CFAP20DC: variants seen among roughly 807,000 people sequenced by gnomAD.
CFAP20DC encodes CFAP20 domain containing, also known as protein CFAP20DC.
In CFAP20DC, 84 loss-of-function variants were observed where a neutral mutation model predicts 101.7. The observed-to-expected ratio is 0.83, with a 90% CI of 0.69 to 0.99. The LOEUF (loss-of-function observed/expected upper bound fraction) is 0.99. Among genes scored for constraint, CFAP20DC ranks in the 50% least tolerant of loss-of-function variants. The pLI, the probability that CFAP20DC is intolerant of heterozygous loss-of-function variation, is 0.00. For synonymous variants in CFAP20DC, 359 were observed against 351.2 expected (o/e 1.02, Z -0.25); for missense variants, 1,007 against 970.3 (o/e 1.04, Z -0.50).
At chr3:58,905,683 A>G (rs2083516754) in intron 6 of CFAP20DC, among the ~76,000 whole-genome samples, 1 of 152,222 alleles carries the variant, frequency 6.6e-6, no homozygotes. Flanking sequence ...ACAATAAAGT[A>G]CTGAGCTCAA....
At chr3:58,890,558 T>TG (rs2082115365) in intron 6 of CFAP20DC, among the ~76,000 whole-genome samples, 1 of 98,808 alleles carries the variant, frequency 1.0e-5, no homozygotes, top group Admixed American at 9.6e-5. Context: ...GCTAGCCGGG[T>TG]GGGGGGCTGA....
chr3:58,994,570 T>C (rs1272376382), intron 4 of CFAP20DC, among the ~76,000 whole-genome samples: 3 of 152,142 alleles, frequency 2.0e-5, no homozygotes, highest in Non-Finnish European at 4.4e-5. Context: ...CAAATAACAA[T>C]AATGCCTTCC....
At chr3:58,870,406 G>T in intron 7 of CFAP20DC, 97 bp from the exon 8 acceptor site, 7 of 1,216,116 alleles carry the variant, frequency 5.8e-6, no homozygotes, top group Non-Finnish European at 8.3e-6. Context: ...GGTGCCATAG[G>T]ATCCAAATCC....
chr3:58,957,044 A>G (rs6769499), intron 4 of CFAP20DC, among the ~76,000 whole-genome samples: 76 of 152,310 alleles, frequency 5.0e-4, no homozygotes, highest in African/African-American at 1.7e-3. Context: ...ATATCAGGAA[A>G]CAATCAACAA....
At chr3:58,886,709 C>CT (rs994898902) in intron 6 of CFAP20DC, among the ~76,000 whole-genome samples, 1 of 150,540 alleles carries the variant, frequency 6.6e-6, no homozygotes, top group African/African-American at 2.5e-5. Context: ...AAGACCCTGT[C>CT]TTAAAAAAAA....
intron 4 of CFAP20DC, among the ~76,000 whole-genome samples, chr3:58,984,706 C>A (rs967664618): frequency 2.6e-5 from 4 of 152,070 alleles, no homozygotes; most frequent in Admixed American, 1.3e-4. Context: ...AGAGAAGGAA[C>A]AAAAAGAGTG....
chr3:58,864,304 GA>G lies in CFAP20DC; in HGVS notation c.1259-413del, dbSNP rs2079496737. 6.6e-6 allele frequency among the ~76,000 whole-genome samples: 1 copy of G among 152,152 alleles called. No homozygotes were observed. The highest frequency in any genetic ancestry group is 1.5e-5 in the Non-Finnish European group (1 of 68,004). On this transcript the variant is annotated intron_variant, in intron 11 of 16. Coordinates refer to ENST00000482387, the MANE Select transcript of CFAP20DC (RefSeq NM_001394063.1). This position sits in a 1 kb window ranked among gnomAD's most constrained non-coding sequence, Gnocchi z 4.7. ...AGTTAGGCTAAAATTTCTTGTTGTT[GA>G]AACAGATTTATCAAATAACGCAAAG...
At position 58,728,833 on chromosome 3, in the gene CFAP20DC, GCCT is replaced by G. The variant is rs1305622446; in HGVS notation, c.198-11208_198-11206del. Among the ~76,000 whole-genome samples, 1 of 152,060 alleles carries G rather than the reference GCCT, an allele frequency of 6.6e-6. No homozygotes were observed. Among genetic ancestry groups the G allele is most frequent in the Non-Finnish European group, 1.5e-5 (1 of 68,008 alleles). On this transcript the variant is annotated intron_variant, in intron 3 of 3. Coordinates refer to the CFAP20DC transcript ENST00000486145. This position sits in a 1 kb window ranked among gnomAD's most constrained non-coding sequence, Gnocchi z 4.7. ...TCCAAGACATCTCTCAACAGCCCTAGCCTCCTGAAATTTACACCCTGTGTAAAT... is the reference window on the plus strand; with the variant it reads ...TCCAAGACATCTCTCAACAGCCCTAGCCTGAAATTTACACCCTGTGTAAAT...
chr3:58,804,690 C>T (rs961838313), intron 15 of CFAP20DC, among the ~76,000 whole-genome samples: 1 of 152,078 alleles, frequency 6.6e-6, no homozygotes, highest in Non-Finnish European at 1.5e-5. Flanking sequence ...ATAATTTGGA[C>T]CACAGTTGGA....
intron 3 of CFAP20DC, among the ~76,000 whole-genome samples, chr3:58,723,543 A>G (rs535293050): frequency 6.6e-6 from 1 of 152,322 alleles, no homozygotes; most frequent in Non-Finnish European, 1.5e-5. Flanking sequence ...TTGTACCTTC[A>G]TTGGAAACGA....
chr3:58,816,292 G>C (rs1265411089), intron 14 of CFAP20DC, among the ~76,000 whole-genome samples: 1 of 152,148 alleles, frequency 6.6e-6, no homozygotes, highest in Non-Finnish European at 1.5e-5. Flanking sequence ...GAGGAGCCAA[G>C]ATGGCCGAAT....
chr3:58,834,529 A>C (rs1167887373), intron 13 of CFAP20DC, among the ~76,000 whole-genome samples: 2 of 152,188 alleles, frequency 1.3e-5, no homozygotes, highest in Non-Finnish European at 2.9e-5. Flanking sequence ...GAAGAACAAC[A>C]CTGGGTTCTA....
chr3:58,740,274 AC>A, downstream of CFAP20DC, among the ~76,000 whole-genome samples: 1 of 152,192 alleles, frequency 6.6e-6, no homozygotes, highest in Admixed American at 6.5e-5. This position sits in a 1 kb window ranked among gnomAD's most constrained non-coding sequence, Gnocchi z 4.6. Flanking sequence ...TGCCTGTCTG[AC>A]ACCCCTCCCC....
intron 3 of CFAP20DC, among the ~76,000 whole-genome samples, chr3:58,720,218 T>C (rs966526886): frequency 8.5e-5 from 13 of 152,256 alleles, no homozygotes; most frequent in African/African-American, 2.9e-4. Context: ...GCTGTCTTGT[T>C]CACTGCTCAG....
intron 3 of CFAP20DC, among the ~76,000 whole-genome samples, chr3:58,733,194 TGGTGGC>T (rs1396910327): frequency 6.6e-6 from 1 of 152,068 alleles, no homozygotes; most frequent in Admixed American, 6.6e-5. Flanking sequence ...TAGCTGGGCG[TGGTGGC>T]GCATGCCTGT....
chr3:58,760,160 C>T (rs1163926294), intron 15 of CFAP20DC, among the ~76,000 whole-genome samples: 1 of 152,192 alleles, frequency 6.6e-6, no homozygotes, highest in African/African-American at 2.4e-5. Flanking sequence ...TTCTTCCTAC[C>T]CATGAGCATG....
rs554382657 is a variant in CFAP20DC at position 58,980,778 on chromosome 3, A to C, written c.279-43016T>G. 4.8e-3 allele frequency among the ~76,000 whole-genome samples: 725 copies of C among 152,300 alleles called. 3 individuals carry two copies. Among genetic ancestry groups the C allele is most frequent in the African/African-American group, 0.017 (690 of 41,566 alleles). ...TGAATGGGCAAAAACTAGAGGCATT[A>C]CCTTTGAAAACTGGCACAAGACAGG... On this transcript the variant is annotated intron_variant, in intron 4 of 16. Transcript: ENST00000482387.
chr3:58,963,597 C>T (rs569027501), intron 4 of CFAP20DC, among the ~76,000 whole-genome samples: 21 of 151,872 alleles, frequency 1.4e-4, no homozygotes, highest in South Asian at 1.0e-3. Flanking sequence ...AACAGAGAAG[C>T]CTCAAAATAA....
intron 13 of CFAP20DC, among the ~76,000 whole-genome samples, chr3:58,837,615 T>A (rs1325019685): frequency 6.6e-6 from 1 of 152,188 alleles, no homozygotes; most frequent in African/African-American, 2.4e-5. Context: ...CAACAAAGTC[T>A]AAGGCTCACT....
Sources: allele counts gnomAD v4.1 joint callset (sites outside exome capture counted in the v4.1 genomes callset), GRCh38; gene constraint gnomAD v4.1.1; non-coding constraint Gnocchi (gnomAD v3.1); transcripts MANE v1.5; gene names NCBI Gene and HGNC (gene_info 2026-07-23, HGNC 2026-07-21).